The following SSBP2 variants were observed in gnomAD, a reference collection of about 807,000 sequenced individuals.
SSBP2 encodes the protein single stranded DNA binding protein 2.
A neutral mutation model predicts 61.8 loss-of-function variants in SSBP2; 17 were observed. The ratio of observed to expected loss-of-function variants is 0.28; its 90% CI spans 0.19 to 0.41. The LOEUF (loss-of-function observed/expected upper bound fraction) is 0.41. Among genes scored for constraint, SSBP2 ranks in the 10% least tolerant of loss-of-function variants. SSBP2 has a pLI of 1.00. For synonymous variants in SSBP2, 139 were observed against 141.3 expected (o/e 0.98, Z 0.12); for missense variants, 310 against 458.7 (o/e 0.68, Z 2.96).
At chr5:81,486,490 A>C (rs1486285240) in intron 6 of SSBP2, among the ~76,000 whole-genome samples, 1 of 152,130 alleles carries the variant, frequency 6.6e-6, no homozygotes, top group African/African-American at 2.4e-5. Flanking sequence ...CTAATAACAC[A>C]CTTATACTAG....
intron 1 of SSBP2, among the ~76,000 whole-genome samples, chr5:81,704,213 T>A (rs992697199): frequency 6.6e-6 from 1 of 152,218 alleles, no homozygotes; most frequent in African/African-American, 2.4e-5. Flanking sequence ...TGACTACGAT[T>A]GGTGAGGAGT....
intron 14 of SSBP2, among the ~76,000 whole-genome samples, chr5:81,440,181 C>T (rs1481544208): frequency 6.6e-6 from 1 of 151,510 alleles, no homozygotes; most frequent in East Asian, 1.9e-4. Context: ...GTCCACAGAA[C>T]TCTAGAGACA....
At chr5:81,746,117 C>T (rs893728703) in intron 1 of SSBP2, among the ~76,000 whole-genome samples, 13 of 152,096 alleles carry the variant, frequency 8.5e-5, no homozygotes, top group Admixed American at 8.5e-4. Flanking sequence ...ATTACTACTA[C>T]TTCTAAGAGT....
At chr5:81,676,471 T>A (rs1430322464) in intron 1 of SSBP2, among the ~76,000 whole-genome samples, 4 of 152,244 alleles carry the variant, frequency 2.6e-5, no homozygotes, top group East Asian at 3.9e-4. Flanking sequence ...CTTTCTACAA[T>A]CTCATTCCGT....
At chr5:81,513,566 TTAATA>T (rs1768782022) in intron 5 of SSBP2, 57 bp downstream of exon 5, 1 of 1,023,624 alleles carries the variant, frequency 9.8e-7, no homozygotes, top group African/African-American at 1.6e-5. Flanking sequence ...CTTCGTATCT[TTAATA>T]AAATCAAACA....
upstream of SSBP2, chr5:81,751,289 C>G (rs977664202): frequency 1.4e-5 from 8 of 562,740 alleles, no homozygotes; most frequent in Non-Finnish European, 1.9e-5. Context: ...CCTCCCTCCC[C>G]GACTCCCTCC....
chr5:81,509,648 G>A (rs1396364782), intron 5 of SSBP2, among the ~76,000 whole-genome samples: 2 of 152,002 alleles, frequency 1.3e-5, no homozygotes, highest in African/African-American at 4.8e-5. Flanking sequence ...TCATTTATAG[G>A]GAGACATATT....
chr5:81,590,602 T>C (rs565801786), intron 4 of SSBP2, among the ~76,000 whole-genome samples: 1 of 152,276 alleles, frequency 6.6e-6, no homozygotes, highest in South Asian at 2.1e-4. Flanking sequence ...TGCTCGTCCA[T>C]TCACAGGCTG....
At chr5:81,748,029 T>C (rs188111997) in intron 1 of SSBP2, among the ~76,000 whole-genome samples, 25 of 152,252 alleles carry the variant, frequency 1.6e-4, no homozygotes, top group Non-Finnish European at 2.2e-4. Flanking sequence ...AGGAATTGTG[T>C]AAAACCAATA....
intron 4 of SSBP2, among the ~76,000 whole-genome samples, chr5:81,546,841 A>G (rs973221870): frequency 2.0e-5 from 3 of 152,062 alleles, no homozygotes; most frequent in African/African-American, 7.2e-5. Flanking sequence ...ACACAATGCC[A>G]ATCTTATGAA....
chr5:81,666,847 CAT>C (rs1751177027), intron 1 of SSBP2, among the ~76,000 whole-genome samples: 1 of 152,154 alleles, frequency 6.6e-6, no homozygotes, highest in Admixed American at 6.6e-5. Context: ...TCACAGAGAG[CAT>C]ATTGTCCTTT....
intron 4 of SSBP2, among the ~76,000 whole-genome samples, chr5:81,516,601 T>C (rs1416860870): frequency 6.6e-6 from 1 of 152,016 alleles, no homozygotes; most frequent in Admixed American, 6.6e-5. Context: ...CTCTACTGTA[T>C]TACACGGACT....
chr5:81,522,648 T>G (rs1192721425), intron 4 of SSBP2, among the ~76,000 whole-genome samples: 1 of 152,106 alleles, frequency 6.6e-6, no homozygotes, highest in Non-Finnish European at 1.5e-5. Flanking sequence ...AGAACAAGTT[T>G]TTCTATTTTG....
chr5:81,460,775 T>C (rs1030127467), intron 10 of SSBP2, among the ~76,000 whole-genome samples: 1 of 152,214 alleles, frequency 6.6e-6, no homozygotes, highest in Non-Finnish European at 1.5e-5. Context: ...TTATAGGCTA[T>C]TGTAGTATAT....
chr5:81,462,906 A>G (rs1270484997), intron 9 of SSBP2, among the ~76,000 whole-genome samples: 1 of 152,120 alleles, frequency 6.6e-6, no homozygotes, highest in Non-Finnish European at 1.5e-5. Flanking sequence ...CCAAACAAGT[A>G]CTGTATGAAT....
At chr5:81,725,588 G>A (rs1427117826) in intron 1 of SSBP2, among the ~76,000 whole-genome samples, 2 of 152,156 alleles carry the variant, frequency 1.3e-5, no homozygotes, top group Non-Finnish European at 2.9e-5. Flanking sequence ...TGTGGTAGCA[G>A]AATATTACAG....
rs1259182003 is a variant in SSBP2, at chr5:81,428,594, C to G, written c.1047G>C (p.Gln349His). 1 of 1,612,342 alleles carries G rather than the reference C, an allele frequency of 6.2e-7. No homozygotes were observed. Residue 349 changes from glutamine to histidine, a missense_variant, in exon 16 of 17, where the codon CAG becomes CAC. Coordinates refer to ENST00000320672, the MANE Select transcript of SSBP2 (RefSeq NM_012446.5). ...TCAAGGGAATACTTACACTCTCACT[C>G]TGAAAAGGATTTAAGAAATTTCCCC...
At chr5:81,702,192 G>A (rs1317238332) in intron 1 of SSBP2, among the ~76,000 whole-genome samples, 1 of 152,146 alleles carries the variant, frequency 6.6e-6, no homozygotes, top group East Asian at 1.9e-4. Flanking sequence ...CCAACATGAT[G>A]AAACCACGTC....
intron 1 of SSBP2, among the ~76,000 whole-genome samples, chr5:81,672,116 C>T (rs1003228854): frequency 2.0e-5 from 3 of 152,088 alleles, no homozygotes; most frequent in Admixed American, 2.0e-4. Flanking sequence ...GTAATAGCAA[C>T]TTATATTTAT....
Sources: gnomAD v4.1 joint callset for allele counts (sites outside exome capture counted in the v4.1 genomes callset) on GRCh38, gnomAD v4.1.1 for gene constraint, MANE v1.5 for transcripts, NCBI Gene and HGNC (gene_info 2026-07-23, HGNC 2026-07-21) for gene names.